SEZ6L: variants seen among roughly 807,000 people sequenced by gnomAD.
SEZ6L encodes the protein seizure 6-like protein.
A neutral mutation model predicts 106.2 loss-of-function variants in SEZ6L; 37 were observed. That is an observed-to-expected ratio of 0.35 (90% CI 0.27 to 0.46). The LOEUF is 0.46. SEZ6L is among the 20% of genes least tolerant of loss of function. The pLI is 1.00. For synonymous variants in SEZ6L, 541 were observed against 570.4 expected (o/e 0.95, Z 0.73); for missense variants, 1,172 against 1,332.8 (o/e 0.88, Z 1.88).
intron 11 of SEZ6L, 57 bp downstream of exon 11, chr22:26,347,970 G>T: frequency 4.2e-6 from 6 of 1,443,468 alleles, no homozygotes; most frequent in Non-Finnish European, 4.6e-6. Flanking sequence ...CCCTTCTAGG[G>T]ATCTTTTTTT....
chr22:26,380,209 A>G (rs916471407), intron 16 of SEZ6L, 57 bp from the exon 17 acceptor site: 1 of 1,556,012 alleles, frequency 6.4e-7, no homozygotes. Flanking sequence ...GCATCCCCCT[A>G]TGTATATCAC....
intron 9 of SEZ6L, among the ~76,000 whole-genome samples, chr22:26,338,861 T>TTTTC (rs1556362513): frequency 3.8e-4 from 32 of 84,444 alleles, no homozygotes; most frequent in African/African-American, 1.4e-3. Flanking sequence ...CGGACTTTTT[T>TTTTC]TTTTTCTTTT....
At chr22:26,330,605 C>A (rs2082450425) in intron 9 of SEZ6L, among the ~76,000 whole-genome samples, 1 of 152,162 alleles carries the variant, frequency 6.6e-6, no homozygotes. Context: ...ATGTTTGAGA[C>A]AGCAAGAGAT....
At chr22:26,373,514 C>T in intron 14 of SEZ6L, 31 bp downstream of exon 14, 1 of 1,521,006 alleles carries the variant, frequency 6.6e-7, no homozygotes, top group Admixed American at 1.9e-5. Flanking sequence ...AAAAAAAGTT[C>T]AATAAATCAA....
At chr22:26,356,955 C>CT (rs35417367) in intron 12 of SEZ6L, among the ~76,000 whole-genome samples, 55,218 of 143,418 alleles carry the variant, frequency 0.39, 11,063 homozygotes, top group African/African-American at 0.51. Flanking sequence ...TTCCTCAGAA[C>CT]TTTTTTTTTT....
At chr22:26,233,092 G>C (rs2078850771) in intron 1 of SEZ6L, among the ~76,000 whole-genome samples, 1 of 152,254 alleles carries the variant, frequency 6.6e-6, no homozygotes, top group Non-Finnish European at 1.5e-5. Flanking sequence ...TTTTTGTTCA[G>C]TAATAGATTT....
At chr22:26,250,090 C>T (rs1255079001) in intron 1 of SEZ6L, among the ~76,000 whole-genome samples, 1 of 152,104 alleles carries the variant, frequency 6.6e-6, no homozygotes, top group Non-Finnish European at 1.5e-5. Flanking sequence ...GAATAGTTTG[C>T]AAATATTTTC....
chr22:26,230,108 G>A (rs2078752822), intron 1 of SEZ6L, among the ~76,000 whole-genome samples: 1 of 152,194 alleles, frequency 6.6e-6, no homozygotes, highest in Admixed American at 6.5e-5. Context: ...CCTGGCATCA[G>A]CATCCACAGG....
chr22:26,320,638 T>C (rs943772575), intron 9 of SEZ6L, among the ~76,000 whole-genome samples: 3 of 152,096 alleles, frequency 2.0e-5, no homozygotes, highest in African/African-American at 4.8e-5. Flanking sequence ...GGGAGCCATG[T>C]TGTAGGCTGA....
intron 4 of SEZ6L, 41 bp downstream of exon 4, chr22:26,297,121 T>C (rs1389034614): frequency 2.0e-6 from 3 of 1,483,826 alleles, no homozygotes; most frequent in Non-Finnish European, 2.7e-6. Context: ...GGCGTTTGCC[T>C]CAGTTTCCCT....
chr22:26,337,742 T>A (rs1040640147), intron 9 of SEZ6L, among the ~76,000 whole-genome samples: 4 of 152,136 alleles, frequency 2.6e-5, no homozygotes, highest in Non-Finnish European at 5.9e-5. Context: ...TGAAGACATG[T>A]GTGCAAAGCA....
In SEZ6L at chr22:26,310,799, G is replaced by T. The variant is rs749192838; in HGVS notation, c.1644G>T (p.Gln548His). The T allele has an allele frequency of 7.6e-5, 122 of 1,614,028 alleles. No individual in the cohort carries two copies. Among genetic ancestry groups the T allele is most frequent in the Admixed American group, 1.3e-4 (8 of 60,000 alleles). The change falls in exon 7 of 17, where the codon CAG (glutamine) becomes CAT (histidine). Residue 548 changes from glutamine to histidine, a missense_variant. Physicochemically the swap from Gln to His is conservative, Grantham distance 24. This residue lies in a region of SEZ6L where 534 missense variants were observed against 691.0 expected (regional missense o/e 0.77). Coordinates refer to ENST00000248933, the MANE Select transcript of SEZ6L (RefSeq NM_021115.5). ...TCCGCATCGAGTTCACGTCCGACCA[G>T]GCCCGGGCGGCCTCCACCTTCAACA... ...NTIRIEFTSD[Q>H]ARAASTFNIR...
intron 1 of SEZ6L, among the ~76,000 whole-genome samples, chr22:26,197,197 G>A (rs996395963): frequency 2.7e-5 from 4 of 150,250 alleles, no homozygotes; most frequent in African/African-American, 4.9e-5. Context: ...TTATCTCTCC[G>A]ACTAGAATGG....
intron 12 of SEZ6L, among the ~76,000 whole-genome samples, chr22:26,361,513 AAAAAAAAAT>A (rs957451657): frequency 3.0e-5 from 4 of 135,006 alleles, no homozygotes; most frequent in African/African-American, 1.1e-4. Context: ...TCTCAAAAAA[AAAAAAAAAT>A]ATATATATAT....
chr22:26,360,717 C>T (rs2083588647), intron 12 of SEZ6L, among the ~76,000 whole-genome samples: 1 of 152,080 alleles, frequency 6.6e-6, no homozygotes, highest in African/African-American at 2.4e-5. Flanking sequence ...GTGCGCTTTC[C>T]CCAGCACAGC....
chr22:26,289,778 T>G (rs1217048894), intron 1 of SEZ6L, among the ~76,000 whole-genome samples: 1 of 152,150 alleles, frequency 6.6e-6, no homozygotes, highest in African/African-American at 2.4e-5. Flanking sequence ...ACTGCTGAAA[T>G]AAATTTAAAT....
At chr22:26,291,442 GGGT>G (rs2081104121) in intron 1 of SEZ6L, among the ~76,000 whole-genome samples, 1 of 97,012 alleles carries the variant, frequency 1.0e-5, no homozygotes, top group Non-Finnish European at 2.1e-5. Flanking sequence ...GCCTGTTGCG[GGGT>G]GGAGTTGGGG....
intron 13 of SEZ6L, among the ~76,000 whole-genome samples, chr22:26,371,797 C>T (rs2084046345): frequency 6.6e-6 from 1 of 152,194 alleles, no homozygotes; most frequent in Non-Finnish European, 1.5e-5. Flanking sequence ...TCTCCCACAA[C>T]TGTGATGGAA....
chr22:26,231,725 C>G (rs2078803883), intron 1 of SEZ6L, among the ~76,000 whole-genome samples: 1 of 152,224 alleles, frequency 6.6e-6, no homozygotes, highest in Non-Finnish European at 1.5e-5. Flanking sequence ...GCATCTGGCT[C>G]CGCAACTTGG....
Sources: allele counts gnomAD v4.1 joint callset (sites outside exome capture counted in the v4.1 genomes callset), GRCh38; gene constraint gnomAD v4.1.1; regional missense constraint gnomAD v4.1.1; transcripts MANE v1.5; gene names NCBI Gene and HGNC (gene_info 2026-07-23, HGNC 2026-07-21).